The following PRR14L variants were observed in gnomAD, a reference collection of about 807,000 sequenced individuals.
PRR14L encodes the protein protein PRR14L.
A neutral mutation model predicts 155.0 loss-of-function variants in PRR14L; 80 were observed. That is an observed-to-expected ratio of 0.52 (90% CI 0.43 to 0.62). PRR14L has a LOEUF of 0.62. PRR14L is among the 20% of genes least tolerant of loss of function. The probability of loss-of-function intolerance (pLI) is 0.00; values close to 1 mark genes in which losing one functional copy is unlikely to be tolerated. For missense variants in PRR14L, 2,469 were observed against 2,548.0 expected, an observed-to-expected ratio of 0.97 and a Z score of 0.67; for synonymous variants, 883 against 916.0, an observed-to-expected ratio of 0.96 and a Z score of 0.65.
intron 3 of PRR14L, among the ~76,000 whole-genome samples, chr22:31,719,765 C>G (rs1397289622): frequency 1.3e-5 from 2 of 149,916 alleles, no homozygotes; most frequent in African/African-American, 4.9e-5. Context: ...GAGACAGGGT[C>G]TCGCTTTGTT....
chr22:31,711,213 C>A (rs2074619455), intron 4 of PRR14L, among the ~76,000 whole-genome samples: 1 of 152,178 alleles, frequency 6.6e-6, no homozygotes. Context: ...GTGGCTACCG[C>A]CTGTAATCTC....
At chr22:31,725,435 G>C in intron 3 of PRR14L, 103 bp downstream of exon 3, 1 of 747,152 alleles carries the variant, frequency 1.3e-6, no homozygotes, top group Admixed American at 2.2e-5. Flanking sequence ...ACCTTACAAG[G>C]CAAGGACTTA....
chr22:31,749,368 G>A (rs2074859097), intron 1 of PRR14L, among the ~76,000 whole-genome samples: 1 of 152,138 alleles, frequency 6.6e-6, no homozygotes, highest in Non-Finnish European at 1.5e-5. Context: ...GAGGGGAGAG[G>A]GAGAAAGGTT....
At chr22:31,736,463 C>T (rs2074782182) in intron 2 of PRR14L, among the ~76,000 whole-genome samples, 1 of 151,770 alleles carries the variant, frequency 6.6e-6, no homozygotes, top group Non-Finnish European at 1.5e-5. Context: ...TCATTCATTC[C>T]TAATCATAGT....
intron 5 of PRR14L, 26 bp downstream of exon 5, chr22:31,704,617 GCACACGCGCACA>G: frequency 6.5e-7 from 1 of 1,545,778 alleles, no homozygotes; most frequent in Non-Finnish European, 8.9e-7. Context: ...ACACACACAC[GCACACGCGCACA>G]CACACGCTGA....
Position 31,716,739 on chromosome 22 carries a change from C to G in PRR14L, c.1100G>C (p.Gly367Ala), listed in dbSNP as rs1035642734. Residue 367 changes from glycine to alanine, a missense_variant, in exon 4 of 9, where the codon GGT becomes GCT. Physicochemically the swap from Gly to Ala is moderately conservative, Grantham distance 60. Around this residue, in one of 2 missense-constraint regions of PRR14L, gnomAD observed 2,363 missense variants for 2,371.6 expected, o/e 1.00. Transcript: ENST00000327423. ...TTCAGCAGATCTCTTTAGCAAACCACCACCTTCAAAACCACAGTTTTCTAA... is the reference window on the plus strand; with the variant it reads ...TTCAGCAGATCTCTTTAGCAAACCAGCACCTTCAAAACCACAGTTTTCTAA... ...ISLENCGFEG[G>A]GLLKRSAEKT... 1 of 1,551,724 alleles carries G rather than the reference C, an allele frequency of 6.4e-7. No individual in the cohort carries two copies. Among genetic ancestry groups the G allele is most frequent in the Non-Finnish European group, 8.7e-7 (1 of 1,147,006 alleles).
intron 2 of PRR14L, among the ~76,000 whole-genome samples, chr22:31,735,772 G>A (rs1216602492): frequency 4.0e-5 from 6 of 151,790 alleles, no homozygotes; most frequent in South Asian, 2.1e-4. Flanking sequence ...GGCATTGGCC[G>A]GGCGCAGTGG....
At chr22:31,698,717 A>C (rs779224552) in intron 7 of PRR14L, among the ~76,000 whole-genome samples, 6 of 151,866 alleles carry the variant, frequency 4.0e-5, no homozygotes, top group Non-Finnish European at 8.8e-5. Context: ...TCAGGAGATC[A>C]AGACCATCCT....
intron 2 of PRR14L, among the ~76,000 whole-genome samples, chr22:31,736,663 T>C (rs985209342): frequency 2.6e-5 from 4 of 152,180 alleles, no homozygotes; most frequent in African/African-American, 7.2e-5. Context: ...TAAAGTTTTA[T>C]TGGAATACAG....
At chr22:31,719,084 G>GAACAAAACAA (rs201421603) in intron 3 of PRR14L, among the ~76,000 whole-genome samples, 7 of 151,296 alleles carry the variant, frequency 4.6e-5, no homozygotes, top group South Asian at 2.1e-4. Flanking sequence ...AAAAAACAAA[G>GAACAAAACAA]AACAAAACAA....
intron 7 of PRR14L, 41 bp from the exon 8 acceptor site, chr22:31,688,268 C>G: frequency 2.0e-6 from 3 of 1,520,194 alleles, no homozygotes; most frequent in Non-Finnish European, 2.6e-6. Context: ...GGTTCTCTCT[C>G]TCTTTTTTTT....
rs2074633787 is a variant in PRR14L, at chr22:31,713,233, T to C, written c.4606A>G (p.Ile1536Val). ...CKKVSYQEQI[I>V]VGRKIGKIRS... ...ATTTTACCTATTTTTCTCCCAACAA[T>C]GATTTGCTCCTGATAGGAAACTTTC... Residue 1536 changes from isoleucine to valine, a missense_variant, in exon 4 of 9, where the codon ATT becomes GTT. Ile to Val is a conservative substitution (Grantham distance 29). Around this residue, in one of 2 missense-constraint regions of PRR14L, gnomAD observed 2,363 missense variants for 2,371.6 expected, o/e 1.00. Transcript: ENST00000327423. 2 of 1,551,998 alleles carry C rather than the reference T, an allele frequency of 1.3e-6. No homozygotes were observed. The highest frequency in any genetic ancestry group is 8.7e-7 in the Non-Finnish European group (1 of 1,147,052).
Position 31,703,696 on chromosome 22 carries a change from C to A in PRR14L, c.5854G>T (p.Val1952Leu). Residue 1952 changes from valine to leucine, a missense_variant, in exon 6 of 9, where the codon GTA becomes TTA. Coordinates refer to ENST00000327423, the MANE Select transcript of PRR14L (RefSeq NM_173566.3). ...TCTGCTACCAAGCAAGACTTTGGTA[C>A]CAAGGCAGGGAATGGAGGCTCCAGC... ...TRLEPPFPAL[V>L]PKSCLVAESA... 1 of 1,598,816 alleles carries A rather than the reference C, an allele frequency of 6.3e-7. No individual in the cohort carries two copies. Among genetic ancestry groups the A allele is most frequent in the Admixed American group, 1.7e-5 (1 of 58,524 alleles).
chr22:31,719,874 C>A (rs962301856), intron 3 of PRR14L, among the ~76,000 whole-genome samples: 12 of 152,006 alleles, frequency 7.9e-5, no homozygotes, highest in Non-Finnish European at 8.8e-5. Context: ...GGAGCTGGGA[C>A]TGTAGGCACA....
At chr22:31,703,493 G>T in intron 6 of PRR14L, 57 bp downstream of exon 6, 1 of 1,528,348 alleles carries the variant, frequency 6.5e-7, no homozygotes, top group Non-Finnish European at 8.9e-7. Flanking sequence ...GATGTGAGTT[G>T]ACAATGGCCA....
intron 6 of PRR14L, among the ~76,000 whole-genome samples, chr22:31,702,730 G>A (rs1254783379): frequency 2.0e-5 from 3 of 152,134 alleles, no homozygotes; most frequent in Admixed American, 6.6e-5. Flanking sequence ...TGGCCAGGCT[G>A]GTCTCGAACT....
rs10589286 is a variant in PRR14L, at chr22:31,737,031, CAAAAAAAAAAAAAA to C, written c.474+1342_474+1355del. Among the ~76,000 whole-genome samples, 9 of 49,840 alleles carry C rather than the reference CAAAAAAAAAAAAAA, an allele frequency of 1.8e-4. No homozygotes were observed. The South Asian group carries it at 8.5e-3, about 47-fold the overall frequency. The allele number at this position is 49,840 out of a possible 152,430, so 32.7% of individuals were successfully genotyped here. On this transcript the variant is annotated intron_variant, in intron 2 of 8. Transcript: ENST00000327423. Reference sequence around the variant, plus strand: ...CCAGCCTGGGAGACAGTGAGAGACTCAAAAAAAAAAAAAAAAAAAAAAAAAAGGAGACCATATGA... The same window carrying C: ...CCAGCCTGGGAGACAGTGAGAGACTCAAAAAAAAAAAAGGAGACCATATGA...
At chr22:31,733,563 C>G (rs900396494) in intron 2 of PRR14L, among the ~76,000 whole-genome samples, 2 of 152,218 alleles carry the variant, frequency 1.3e-5, no homozygotes, top group African/African-American at 4.8e-5. Flanking sequence ...CCTCGGCCCC[C>G]CGAAGCGCTA....
intron 7 of PRR14L, among the ~76,000 whole-genome samples, chr22:31,699,050 A>G (rs965139476): frequency 6.6e-6 from 1 of 152,052 alleles, no homozygotes; most frequent in Non-Finnish European, 1.5e-5. Context: ...GAACTGAGAA[A>G]TAATATTTTC....
Sources: allele counts gnomAD v4.1 joint callset (sites outside exome capture counted in the v4.1 genomes callset), GRCh38; gene constraint gnomAD v4.1.1; regional missense constraint gnomAD v4.1.1; transcripts MANE v1.5; gene names NCBI Gene and HGNC (gene_info 2026-07-23, HGNC 2026-07-21).